TENT2: variants seen among roughly 807,000 people sequenced by gnomAD.
TENT2 encodes poly(A) RNA polymerase GLD2.
TENT2 carries 44 observed loss-of-function variants against 72.2 expected under a neutral mutation model. The ratio of observed to expected loss-of-function variants is 0.61; its 90% CI spans 0.48 to 0.78. The LOEUF is 0.78. Ranked by LOEUF, TENT2 falls within the 30% of genes least tolerant of loss-of-function variation. TENT2 has a pLI of 0.00. For missense variants in TENT2, 541 were observed against 569.6 expected (o/e 0.95, Z 0.51); for synonymous variants, 212 against 192.5 (o/e 1.10, Z -0.84).
chr5:79,615,790 C>A (rs1759315052), intron 1 of TENT2, among the ~76,000 whole-genome samples: 1 of 151,346 alleles, frequency 6.6e-6, no homozygotes, highest in South Asian at 2.1e-4. Flanking sequence ...TCGGCTCACT[C>A]CAACCTCCGT....
chr5:79,654,593 GTC>G (rs1561536422), intron 10 of TENT2, among the ~76,000 whole-genome samples: 1 of 151,938 alleles, frequency 6.6e-6, no homozygotes, highest in Non-Finnish European at 1.5e-5. Context: ...GCGAAACCCT[GTC>G]TCTACTAAAA....
At chr5:79,624,462 A>G (rs1050495335) in intron 4 of TENT2, among the ~76,000 whole-genome samples, 5 of 152,160 alleles carry the variant, frequency 3.3e-5, no homozygotes, top group African/African-American at 4.8e-5. Context: ...TCACCCTTTT[A>G]AAGTGTAGAG....
intron 10 of TENT2, 84 bp downstream of exon 10, chr5:79,649,274 A>G (rs1791666930): frequency 7.7e-7 from 1 of 1,305,712 alleles, no homozygotes. Context: ...CTATTTTCAA[A>G]TAGTATTGTT....
rs1375347184 is a variant in TENT2, at chr5:79,687,325, A to C, written c.*2052A>C. On this transcript the variant is annotated 3_prime_UTR_variant, in exon 15 of 15. Transcript: ENST00000453514. ...CTCAATTATTTGTGTGGTGAGTACT[A>C]AATTATTTTCTGTTTGTGTTGATCT... Among the ~76,000 whole-genome samples, 2 of 152,114 alleles carry C rather than the reference A, an allele frequency of 1.3e-5. No individual in the cohort carries two copies. Among genetic ancestry groups the C allele is most frequent in the Admixed American group, 1.3e-4 (2 of 15,268 alleles).
intron 4 of TENT2, among the ~76,000 whole-genome samples, chr5:79,639,472 A>G (rs1782701974): frequency 7.1e-6 from 1 of 141,328 alleles, no homozygotes; most frequent in Non-Finnish European, 1.5e-5. Context: ...AGAGCAGTGA[A>G]GGTGGTTTTT....
At chr5:79,675,507 G>T (rs1157158938) in intron 12 of TENT2, among the ~76,000 whole-genome samples, 1 of 152,168 alleles carries the variant, frequency 6.6e-6, no homozygotes, top group Non-Finnish European at 1.5e-5. Context: ...AAGACAGTAC[G>T]GTTGGGGGTA....
At chr5:79,670,230 AAAG>A (rs1811881516) in intron 12 of TENT2, among the ~76,000 whole-genome samples, 3 of 152,006 alleles carry the variant, frequency 2.0e-5, no homozygotes, top group Non-Finnish European at 4.4e-5. Flanking sequence ...AAAAAAAAAA[AAAG>A]AAAAAAGGAT....
intron 4 of TENT2, among the ~76,000 whole-genome samples, chr5:79,637,798 CTTTTTTT>C (rs60911107): frequency 2.5e-5 from 3 of 122,406 alleles, no homozygotes; most frequent in East Asian, 2.3e-4. Context: ...TCCTCTTTTG[CTTTTTTT>C]TTTTTTTTTT....
chr5:79,617,424 C>T (rs1016704858), intron 1 of TENT2: 2 of 151,854 alleles, frequency 1.3e-5, no homozygotes, highest in African/African-American at 2.4e-5. Flanking sequence ...TTATTTTTAA[C>T]TAGCTACTTT....
At chr5:79,634,609 G>A (rs1374741891) in intron 4 of TENT2, among the ~76,000 whole-genome samples, 1 of 152,106 alleles carries the variant, frequency 6.6e-6, no homozygotes, top group South Asian at 2.1e-4. Flanking sequence ...AGAGTGCTGG[G>A]ATTTCAGATG....
chr5:79,648,648 A>G lies in TENT2; in HGVS notation c.853A>G (p.Ile285Val). 1.3e-6 allele frequency: 2 copies of G among 1,595,298 alleles called. No homozygotes were observed. The highest frequency in any genetic ancestry group is 2.3e-5 in the South Asian group (2 of 87,130). Residue 285 changes from isoleucine to valine, a missense_variant, in exon 9 of 15, where the codon ATT (isoleucine) becomes GTT (valine). Physicochemically the swap from Ile to Val is conservative, Grantham distance 29 (BLOSUM62 3). Transcript: ENST00000453514. Reference protein sequence around the residue: ...CVEFDLNVNNIVGIRNTFLLR... With the variant: ...CVEFDLNVNNVVGIRNTFLLR... ...GGAGTTTGACTTGAATGTAAACAAT[A>G]TTGTTGGAATAAGAAACACATTCCT...
At chr5:79,616,866 T>A (rs1017154429) in intron 1 of TENT2, among the ~76,000 whole-genome samples, 1 of 152,226 alleles carries the variant, frequency 6.6e-6, no homozygotes, top group Non-Finnish European at 1.5e-5. Context: ...TGATGGTTCA[T>A]AGAATTTTGT....
chr5:79,657,005 A>G lies in TENT2; in HGVS notation c.1071+4A>G. On this transcript the variant is annotated splice_donor_region_variant and intron_variant, in intron 11 of 14. Coordinates refer to ENST00000453514, the MANE Select transcript of TENT2 (RefSeq NM_001114394.3). ...ATCCCTCCAAAAAATTTACCCAGTA[A>G]GTGTTTCTTATAAATTATTATAATA... 1 of 1,567,710 alleles carries G rather than the reference A, an allele frequency of 6.4e-7. No individual in the cohort carries two copies. The highest frequency in any genetic ancestry group is 8.8e-7 in the Non-Finnish European group (1 of 1,139,818).
At chr5:79,673,218 CA>C (rs1814397995) in intron 12 of TENT2, among the ~76,000 whole-genome samples, 1 of 152,094 alleles carries the variant, frequency 6.6e-6, no homozygotes, top group Non-Finnish European at 1.5e-5. Flanking sequence ...GAGTAGTTTG[CA>C]AATATTTTCT....
In TENT2 at chr5:79,645,056, ATG is replaced by A. The variant is rs1260875242; in HGVS notation, c.752-64_752-63del. The A allele has an allele frequency of 5.5e-6, 7 of 1,274,018 alleles. No homozygotes were observed. The South Asian group carries it at 1.1e-4, about 19-fold the overall frequency. 78.9% of individuals were successfully genotyped at this position (1,274,018 alleles called of 1,614,324 possible). A position where few individuals can be genotyped will look rare whatever the true frequency, so the allele number is the denominator to read the frequency against. On this transcript the variant is annotated intron_variant, in intron 7 of 14. Coordinates refer to ENST00000453514, the MANE Select transcript of TENT2 (RefSeq NM_001114394.3). ...CTTAGTAAATACTATTTTTTAAAAAATGTGCGTTGGAACACTGTGAATTCTAG... is the reference window on the plus strand; with the variant it reads ...CTTAGTAAATACTATTTTTTAAAAAATGCGTTGGAACACTGTGAATTCTAG...
At chr5:79,627,124 C>A (rs1167105498) in intron 4 of TENT2, among the ~76,000 whole-genome samples, 2 of 118,978 alleles carry the variant, frequency 1.7e-5, no homozygotes, top group East Asian at 5.2e-4. Flanking sequence ...AGTGAGACTC[C>A]GTCTCAAAAA....
At chr5:79,673,204 A>G (rs1814383542) in intron 12 of TENT2, among the ~76,000 whole-genome samples, 1 of 152,184 alleles carries the variant, frequency 6.6e-6, no homozygotes, top group Non-Finnish European at 1.5e-5. Flanking sequence ...ATCCTTTGTG[A>G]GATGAGTAGT....
At chr5:79,632,080 C>CT (rs1313948311) in intron 4 of TENT2, among the ~76,000 whole-genome samples, 9 of 152,100 alleles carry the variant, frequency 5.9e-5, no homozygotes, top group African/African-American at 2.2e-4. Flanking sequence ...ATACCATTTA[C>CT]TGAATGTAGG....
intron 10 of TENT2, among the ~76,000 whole-genome samples, chr5:79,652,857 T>C (rs1795205225): frequency 1.3e-5 from 2 of 152,016 alleles, no homozygotes. Context: ...TATGTTACTT[T>C]ATAATATATG....
Sources: gnomAD v4.1 joint callset for allele counts (sites outside exome capture counted in the v4.1 genomes callset) on GRCh38, gnomAD v4.1.1 for gene constraint, MANE v1.5 for transcripts, NCBI Gene and HGNC (gene_info 2026-07-23, HGNC 2026-07-21) for gene names.